The following SPRED1 variants were observed in gnomAD, a reference collection of about 807,000 sequenced individuals.
SPRED1 encodes the protein sprouty related EVH1 domain containing 1, also known as sprouty-related, EVH1 domain-containing protein 1.
A neutral mutation model predicts 52.3 loss-of-function variants in SPRED1; 18 were observed. That is an observed-to-expected ratio of 0.34 (90% CI 0.24 to 0.51). The LOEUF (loss-of-function observed/expected upper bound fraction) is 0.51, where lower values mean the gene tolerates loss of function less well. Among genes scored for constraint, SPRED1 ranks in the 20% least tolerant of loss-of-function variants. SPRED1 has a pLI of 0.97. For synonymous variants in SPRED1, 155 were observed against 179.7 expected (o/e 0.86, Z 1.10); for missense variants, 485 against 551.0 (o/e 0.88, Z 1.20).
intron 1 of SPRED1, among the ~76,000 whole-genome samples, chr15:38,270,167 A>G (rs1894402132): frequency 6.6e-6 from 1 of 152,152 alleles, no homozygotes; most frequent in Non-Finnish European, 1.5e-5. Context: ...TCGGCCTCCC[A>G]AAGTACTGGG....
chr15:38,315,380 G>A (rs1156919755), intron 2 of SPRED1, among the ~76,000 whole-genome samples: 3 of 151,798 alleles, frequency 2.0e-5, no homozygotes, highest in African/African-American at 7.2e-5. Flanking sequence ...ATATTTAATT[G>A]TACTCTCTTC....
chr15:38,265,635 T>C (rs1894292540), intron 1 of SPRED1, among the ~76,000 whole-genome samples: 1 of 152,116 alleles, frequency 6.6e-6, no homozygotes, highest in Non-Finnish European at 1.5e-5. Context: ...TTTTTTTAAT[T>C]TTTAATACAA....
Position 38,296,588 on chromosome 15 carries a change from A to G in SPRED1, c.33-2785A>G, listed in dbSNP as rs536237038. On this transcript the variant is annotated intron_variant, in intron 1 of 6. Coordinates refer to ENST00000299084, the MANE Select transcript of SPRED1 (RefSeq NM_152594.3). ...TTAGGAAATGAAGCTCATGGATTCT[A>G]CTAAGAATTTTAGATGATTTGGAAC... Among the ~76,000 whole-genome samples, 5 of 152,280 alleles carry G rather than the reference A, an allele frequency of 3.3e-5. No homozygotes were observed. The East Asian group carries it at 9.7e-4, about 29-fold the overall frequency.
intron 1 of SPRED1, among the ~76,000 whole-genome samples, chr15:38,255,305 G>A (rs944671895): frequency 8.6e-5 from 13 of 151,966 alleles, no homozygotes; most frequent in African/African-American, 2.7e-4. Flanking sequence ...AATGTACTTA[G>A]TATGGGACAA....
chr15:38,260,530 G>A (rs1184126045), intron 1 of SPRED1, among the ~76,000 whole-genome samples: 1 of 151,766 alleles, frequency 6.6e-6, no homozygotes, highest in Non-Finnish European at 1.5e-5. Context: ...TAGCACAATT[G>A]CTGTTAGCTG....
At chr15:38,329,201 A>G (rs1483000233) in intron 4 of SPRED1, among the ~76,000 whole-genome samples, 1 of 152,174 alleles carries the variant, frequency 6.6e-6, no homozygotes, top group Non-Finnish European at 1.5e-5. Context: ...GATCTTAGAT[A>G]TCATGTTTTT....
At chr15:38,342,672 A>C (rs1250923217) in intron 5 of SPRED1, among the ~76,000 whole-genome samples, 1 of 152,044 alleles carries the variant, frequency 6.6e-6, no homozygotes, top group East Asian at 1.9e-4. Context: ...ATGTAATACC[A>C]TTGAGAAGAA....
chr15:38,281,360 G>C (rs1368347669), intron 1 of SPRED1, among the ~76,000 whole-genome samples: 1 of 152,036 alleles, frequency 6.6e-6, no homozygotes, highest in Non-Finnish European at 1.5e-5. Context: ...GATTAGTCTA[G>C]ATCTTTTAGG....
chr15:38,349,912 G>A (rs1888444558), intron 6 of SPRED1, among the ~76,000 whole-genome samples: 1 of 152,164 alleles, frequency 6.6e-6, no homozygotes, highest in Non-Finnish European at 1.5e-5. Flanking sequence ...CCAGGGACTG[G>A]AGCTAAAGAT....
intron 6 of SPRED1, among the ~76,000 whole-genome samples, chr15:38,350,270 T>C (rs1193610152): frequency 6.6e-6 from 1 of 152,174 alleles, no homozygotes; most frequent in Non-Finnish European, 1.5e-5. Context: ...ACATGGTCTT[T>C]CCTCACTTTG....
intron 2 of SPRED1, among the ~76,000 whole-genome samples, chr15:38,309,547 CTT>C (rs1166720617): frequency 2.0e-5 from 3 of 152,208 alleles, no homozygotes; most frequent in Admixed American, 6.5e-5. Context: ...TGTAGCTTGT[CTT>C]TTCATCTTCT....
intron 1 of SPRED1, among the ~76,000 whole-genome samples, chr15:38,293,099 C>CTTTTTTTTTTTTT (rs66511254): frequency 0.036 from 3,291 of 90,674 alleles, 428 homozygotes; most frequent in East Asian, 0.052. Flanking sequence ...AAGATTACAA[C>CTTTTTTTTTTTTT]TTTTTTTTTT....
At chr15:38,303,752 T>C (rs1423989897) in intron 2 of SPRED1, among the ~76,000 whole-genome samples, 1 of 152,078 alleles carries the variant, frequency 6.6e-6, no homozygotes, top group African/African-American at 2.4e-5. Flanking sequence ...TGGGCTAAGG[T>C]ATGACAAAAG....
At chr15:38,272,126 C>G (rs1894448359) in intron 1 of SPRED1, among the ~76,000 whole-genome samples, 1 of 152,128 alleles carries the variant, frequency 6.6e-6, no homozygotes, top group Non-Finnish European at 1.5e-5. Context: ...TATATATGTA[C>G]CACATTTCTT....
intron 2 of SPRED1, among the ~76,000 whole-genome samples, chr15:38,319,423 A>C (rs536631264): frequency 6.6e-6 from 1 of 152,186 alleles, no homozygotes; most frequent in South Asian, 2.1e-4. Context: ...CTTGCTGCCT[A>C]GGCTGGAGTG....
chr15:38,356,012 T>C lies in SPRED1; in HGVS notation c.*4348T>C, dbSNP rs375141692. The C allele has an allele frequency of 3.3e-5, 5 of 152,214 alleles. No individual in the cohort carries two copies. In the East Asian group the frequency reaches 5.8e-4, roughly 18 times the overall value. The allele number at this position is 152,214 out of a possible 1,614,324, so 9.4% of individuals were successfully genotyped here. On this transcript the variant is annotated 3_prime_UTR_variant, in exon 7 of 7. Coordinates refer to ENST00000299084, the MANE Select transcript of SPRED1 (RefSeq NM_152594.3). ...AGATTCATATGCTTTGGTACACTGA[T>C]AAATGTTAGCCATTATTCCTGAAAG... is the stretch of plus-strand genomic sequence containing the variant.
At chr15:38,293,899 A>C (rs1894977732) in intron 1 of SPRED1, among the ~76,000 whole-genome samples, 1 of 152,174 alleles carries the variant, frequency 6.6e-6, no homozygotes, top group South Asian at 2.1e-4. Flanking sequence ...AAAAACCTAC[A>C]TCAAATATGA....
intron 1 of SPRED1, among the ~76,000 whole-genome samples, chr15:38,296,607 T>C (rs944641456): frequency 6.6e-6 from 1 of 152,160 alleles, no homozygotes; most frequent in Non-Finnish European, 1.5e-5. Flanking sequence ...TTTAGATGAT[T>C]TGGAACACTT....
At chr15:38,320,270 A>T (rs1241358557) in intron 2 of SPRED1, among the ~76,000 whole-genome samples, 1 of 152,164 alleles carries the variant, frequency 6.6e-6, no homozygotes, top group Admixed American at 6.5e-5. Context: ...CTAGTCCATG[A>T]TCTGTGAATG....
Sources: gnomAD v4.1 joint callset for allele counts (sites outside exome capture counted in the v4.1 genomes callset) on GRCh38, gnomAD v4.1.1 for gene constraint, MANE v1.5 for transcripts, NCBI Gene and HGNC (gene_info 2026-07-23, HGNC 2026-07-21) for gene names.